SNAP23: variants seen among roughly 807,000 people sequenced by gnomAD.
The protein encoded by SNAP23 is synaptosome associated protein 23.
A neutral mutation model predicts 29.0 loss-of-function variants in SNAP23; 11 were observed. That is an observed-to-expected ratio of 0.38 (90% CI 0.24 to 0.63). SNAP23 has a LOEUF of 0.63. Among genes scored for constraint, SNAP23 ranks in the 20% least tolerant of loss-of-function variants. SNAP23 has a pLI of 0.58. For synonymous variants in SNAP23, 60 were observed against 82.9 expected, an observed-to-expected ratio of 0.72 and a Z score of 1.50; for missense variants, 220 against 253.9, an observed-to-expected ratio of 0.87 and a Z score of 0.91.
At chr15:42,522,970 G>C (rs561367006) in intron 5 of SNAP23, among the ~76,000 whole-genome samples, 1 of 147,650 alleles carries the variant, frequency 6.8e-6, no homozygotes, top group South Asian at 2.2e-4. Context: ...TCAGCCTCAC[G>C]AGTAACTGGG....
At position 42,513,294 on chromosome 15, in the gene SNAP23, T is replaced by C. The variant is rs749907761; in HGVS notation, c.100-105T>C. 27 of 1,044,204 alleles carry C rather than the reference T, an allele frequency of 2.6e-5. No homozygotes were observed. The Admixed American group carries it at 3.2e-4, about 13-fold the overall frequency. The allele number at this position is 1,044,204 out of a possible 1,614,324, so 64.7% of individuals were successfully genotyped here. ...AGTTCTGTCTGTAGCTCTAATCCTC[T>C]GAGAGCTTGGGTTTCTAAATTATTC... On this transcript the variant is annotated intron_variant, in intron 3 of 7. Transcript: ENST00000249647.
intron 1 of SNAP23, among the ~76,000 whole-genome samples, chr15:42,504,285 G>C (rs2057300164): frequency 6.6e-6 from 1 of 152,044 alleles, no homozygotes; most frequent in South Asian, 2.1e-4. Flanking sequence ...AGGTTGCAGT[G>C]ACCTAAGATT....
intron 1 of SNAP23, among the ~76,000 whole-genome samples, chr15:42,508,746 G>A (rs1310048713): frequency 6.6e-6 from 1 of 151,868 alleles, no homozygotes; most frequent in Non-Finnish European, 1.5e-5. Context: ...TTTTTCCTAG[G>A]AAGCTAGCAA....
intron 1 of SNAP23, among the ~76,000 whole-genome samples, chr15:42,499,291 C>T (rs1207478189): frequency 1.3e-5 from 2 of 152,148 alleles, no homozygotes; most frequent in East Asian, 1.9e-4. Context: ...AGGCTGGTCT[C>T]GAGCTCCCGA....
At chr15:42,520,548 G>A (rs926769892) in intron 5 of SNAP23, among the ~76,000 whole-genome samples, 10 of 151,886 alleles carry the variant, frequency 6.6e-5, no homozygotes, top group Admixed American at 6.6e-5. Context: ...AGGCTGGAGT[G>A]CAGTGGCACG....
intron 5 of SNAP23, among the ~76,000 whole-genome samples, chr15:42,519,486 C>T (rs1462544802): frequency 6.6e-6 from 1 of 151,866 alleles, no homozygotes; most frequent in Non-Finnish European, 1.5e-5. Context: ...ATTCTCATGC[C>T]TCAACCACCC....
intron 7 of SNAP23, among the ~76,000 whole-genome samples, chr15:42,530,619 A>G (rs2057555000): frequency 6.6e-6 from 1 of 152,042 alleles, no homozygotes; most frequent in Non-Finnish European, 1.5e-5. Context: ...GCATGGTGGC[A>G]TGTGCCTATT....
chr15:42,509,829 G>A (rs1242514308), intron 1 of SNAP23, among the ~76,000 whole-genome samples: 2 of 152,178 alleles, frequency 1.3e-5, no homozygotes, highest in African/African-American at 4.8e-5. Context: ...GGCACTTTGG[G>A]AGGCTGAGGT....
intron 1 of SNAP23, among the ~76,000 whole-genome samples, chr15:42,503,743 T>C (rs1026953166): frequency 3.9e-4 from 60 of 152,222 alleles, no homozygotes; most frequent in African/African-American, 1.3e-3. Context: ...CCTCAGGTGA[T>C]CCACCCACCT....
intron 4 of SNAP23, among the ~76,000 whole-genome samples, chr15:42,514,361 C>T (rs1001834443): frequency 6.6e-6 from 1 of 151,910 alleles, no homozygotes; most frequent in Non-Finnish European, 1.5e-5. Context: ...AGGTTGATGT[C>T]GAACTCTTGA....
chr15:42,509,601 G>C (rs555521719), intron 1 of SNAP23, among the ~76,000 whole-genome samples: 3 of 151,536 alleles, frequency 2.0e-5, no homozygotes, highest in African/African-American at 7.3e-5. Context: ...CACCACTCCC[G>C]GCTAATTTTT....
chr15:42,520,534 G>T (rs1380531975), intron 5 of SNAP23, among the ~76,000 whole-genome samples: 1 of 151,550 alleles, frequency 6.6e-6, no homozygotes, highest in South Asian at 2.1e-4. Flanking sequence ...TCGCTCTGTT[G>T]CCCAGGCTGG....
intron 1 of SNAP23, among the ~76,000 whole-genome samples, chr15:42,501,121 T>C (rs866635428): frequency 3.3e-5 from 5 of 152,296 alleles, no homozygotes; most frequent in South Asian, 2.1e-4. Flanking sequence ...GGAGCATCAG[T>C]TGAGGTCAGG....
rs755014436 is a variant in SNAP23, at chr15:42,531,536, A to G, written c.*58A>G. The G allele has an allele frequency of 4.4e-6, 6 of 1,357,132 alleles. No individual in the cohort carries two copies. In the East Asian group the frequency reaches 1.4e-4, roughly 32 times the overall value. The allele number at this position is 1,357,132 out of a possible 1,614,324, so 84.1% of individuals were successfully genotyped here. ...CTTCCGTAGCTCCTCCTTGAAAGTT[A>G]TTACCTTTTCAGAGTTTAAGTTTTC... On this transcript the variant is annotated 3_prime_UTR_variant, in exon 8 of 8. Coordinates refer to ENST00000249647, the MANE Select transcript of SNAP23 (RefSeq NM_003825.4).
intron 1 of SNAP23, among the ~76,000 whole-genome samples, chr15:42,499,072 CTT>C (rs35615383): frequency 1.3e-4 from 18 of 142,320 alleles, no homozygotes; most frequent in Admixed American, 1.4e-4. Context: ...AAGGTCACAT[CTT>C]TTTTTTTTTT....
intron 5 of SNAP23, among the ~76,000 whole-genome samples, chr15:42,521,193 G>A (rs1352974642): frequency 1.3e-5 from 2 of 152,116 alleles, no homozygotes; most frequent in Admixed American, 6.6e-5. Flanking sequence ...AAACTTGTTG[G>A]CTGGTGGGAG....
intron 3 of SNAP23, 45 bp from the exon 4 acceptor site, chr15:42,513,354 T>C: frequency 6.4e-7 from 1 of 1,557,294 alleles, no homozygotes; most frequent in Non-Finnish European, 8.9e-7. Flanking sequence ...TCTGTTGTTT[T>C]TGGTTTGTTT....
rs920529472 is a variant in SNAP23, at chr15:42,531,736, A to G, written c.*258A>G. The G allele has an allele frequency of 6.0e-5, 19 of 314,792 alleles. No homozygotes were observed. The highest frequency in any genetic ancestry group is 9.8e-5 in the Non-Finnish European group (17 of 172,674). The allele number at this position is 314,792 out of a possible 1,614,324, so 19.5% of individuals were successfully genotyped here. A position where few individuals can be genotyped will look rare whatever the true frequency, so the allele number is the denominator to read the frequency against. On this transcript the variant is annotated 3_prime_UTR_variant, in exon 8 of 8. Transcript: ENST00000249647. ...TTCATATGTCATGTTTAGTGTTTTC[A>G]TCCTCCTCATATACTTCAGCAGGTT...
chr15:42,498,034 G>T (rs771646292), intron 1 of SNAP23, among the ~76,000 whole-genome samples: 2 of 152,214 alleles, frequency 1.3e-5, no homozygotes, highest in Non-Finnish European at 2.9e-5. Flanking sequence ...AAGGCCTTGA[G>T]CAGTTCTGAC....
Sources: gnomAD v4.1 joint callset for allele counts (sites outside exome capture counted in the v4.1 genomes callset) on GRCh38, gnomAD v4.1.1 for gene constraint, MANE v1.5 for transcripts, NCBI Gene and HGNC (gene_info 2026-07-23, HGNC 2026-07-21) for gene names.